Variants in ADARB2 observed in about 807,000 individuals in gnomAD.
ADARB2 encodes the protein inactive double-stranded RNA-specific editase B2.
A neutral mutation model predicts 62.2 loss-of-function variants in ADARB2; 25 were observed. The observed-to-expected ratio is 0.40, with a 90% CI of 0.29 to 0.56. The LOEUF (loss-of-function observed/expected upper bound fraction) is 0.56, where lower values mean the gene tolerates loss of function less well. Among genes scored for constraint, ADARB2 ranks in the 20% least tolerant of loss-of-function variants. The pLI, the probability that ADARB2 is intolerant of heterozygous loss-of-function variation, is 0.43. For synonymous variants in ADARB2, 572 were observed against 500.8 expected (o/e 1.14, Z -1.90); for missense variants, 1,071 against 1,077.4 (o/e 0.99, Z 0.08).
At chr10:1,501,940 C>T (rs891707859) in intron 1 of ADARB2, among the ~76,000 whole-genome samples, 1 of 152,216 alleles carries the variant, frequency 6.6e-6, no homozygotes, top group Non-Finnish European at 1.5e-5. Context: ...AAGAACTCTG[C>T]CTGGCTGAAG....
rs1836627195 is a variant in ADARB2, at chr10:1,179,017, TAA to T, written c.*4174_*4175del. 6.6e-6 allele frequency: 1 copy of T among 152,242 alleles called. No individual in the cohort carries two copies. The highest frequency in any genetic ancestry group is 1.5e-5 in the Non-Finnish European group (1 of 68,044). The allele number at this position is 152,242 out of a possible 1,614,324, so 9.4% of individuals were successfully genotyped here. On this transcript the variant is annotated 3_prime_UTR_variant, in exon 10 of 10. Transcript: ENST00000381312. ...GAATGGCTTCTTAAAAAAGGGCATA[TAA>T]GTTTCCCTAAATTAAAAATGTCTAC...
intron 3 of ADARB2, among the ~76,000 whole-genome samples, chr10:1,325,474 C>T (rs574438188): frequency 5.3e-5 from 8 of 152,310 alleles, no homozygotes; most frequent in African/African-American, 1.9e-4. Context: ...TAGGGAGGGA[C>T]TGAGTAGCAC....
At chr10:1,594,204 C>A (rs756421947) in intron 1 of ADARB2, among the ~76,000 whole-genome samples, 1 of 152,112 alleles carries the variant, frequency 6.6e-6, no homozygotes, top group African/African-American at 2.4e-5. Flanking sequence ...GCAGGAGAAT[C>A]GCTTAAAATC....
At chr10:1,518,209 G>T (rs1832030660) in intron 1 of ADARB2, among the ~76,000 whole-genome samples, 1 of 152,196 alleles carries the variant, frequency 6.6e-6, no homozygotes, top group African/African-American at 2.4e-5. Flanking sequence ...ATGAGCTTCG[G>T]TCTCAGCCCT....
rs532643198 is a variant in ADARB2, at chr10:1,689,062, G to A, written c.100+47989C>T. On this transcript the variant is annotated intron_variant, in intron 1 of 9. Transcript: ENST00000381312. ...CCAAGACAGGTGCCAGCAAAGAAAG[G>A]CAGATTTGTTAGAGAAAGTAGGAAA... Among the ~76,000 whole-genome samples the A allele has an allele frequency of 3.9e-5, 6 of 152,290 alleles. No homozygotes were observed. The East Asian group carries it at 9.6e-4, about 24-fold the overall frequency.
At chr10:1,248,286 G>A (rs934717087) in intron 4 of ADARB2, among the ~76,000 whole-genome samples, 11 of 150,648 alleles carry the variant, frequency 7.3e-5, no homozygotes, top group African/African-American at 2.2e-4. Flanking sequence ...CTGAGGTCCC[G>A]TCTCCAGCTG....
At chr10:1,696,940 C>A (rs559748832) in intron 1 of ADARB2, among the ~76,000 whole-genome samples, 1 of 151,534 alleles carries the variant, frequency 6.6e-6, no homozygotes, top group African/African-American at 2.4e-5. Context: ...AATTTGTAAG[C>A]TTTCTTAAAA....
At chr10:1,507,147 G>C (rs1831862666) in intron 1 of ADARB2, among the ~76,000 whole-genome samples, 1 of 152,254 alleles carries the variant, frequency 6.6e-6, no homozygotes, top group Non-Finnish European at 1.5e-5. Flanking sequence ...GATTCTTCCA[G>C]TGGCTGTCGA....
At chr10:1,688,579 C>G (rs898694609) in intron 1 of ADARB2, among the ~76,000 whole-genome samples, 1 of 152,234 alleles carries the variant, frequency 6.6e-6, no homozygotes, top group African/African-American at 2.4e-5. Context: ...AAGCAGCAGC[C>G]CAGCGGGGTC....
intron 4 of ADARB2, among the ~76,000 whole-genome samples, chr10:1,263,128 T>G: frequency 9.3e-6 from 1 of 107,048 alleles, no homozygotes. Flanking sequence ...CCGGGGCCTG[T>G]TGTGGGGTGG....
At position 1,504,063 on chromosome 10, in the gene ADARB2, C is replaced by A. The variant is rs552968080; in HGVS notation, c.101-124903G>T. ...TGATCATTCAGCCTCTTTCCCAATC[C>A]TTCACTCTGCCAGTATTTCATGAAG... On this transcript the variant is annotated intron_variant, in intron 1 of 9. Coordinates refer to ENST00000381312, the MANE Select transcript of ADARB2 (RefSeq NM_018702.4). Among the ~76,000 whole-genome samples the A allele has an allele frequency of 6.0e-4, 91 of 152,338 alleles. 1 individual carries two copies. The South Asian group carries it at 0.017, about 28-fold the overall frequency.
At chr10:1,434,522 AC>A (rs1830814529) in intron 1 of ADARB2, among the ~76,000 whole-genome samples, 1 of 152,190 alleles carries the variant, frequency 6.6e-6, no homozygotes, top group Admixed American at 6.5e-5. Flanking sequence ...ACAAAAGCCC[AC>A]CAAGAGTTTT....
In ADARB2 at chr10:1,717,500, T is replaced by C. The variant is rs74863761; in HGVS notation, c.100+19551A>G. 0.016 allele frequency among the ~76,000 whole-genome samples: 2,461 copies of C among 151,686 alleles called. 140 individuals are homozygous for C. In the East Asian group the frequency reaches 0.18, roughly 11 times the overall value. On this transcript the variant is annotated intron_variant, in intron 1 of 9. Transcript: ENST00000381312. Reference sequence around the variant, plus strand: ...TTCTTTTCTTTCTTCCTTCCTTTCCTTTCTTTCTTTCTCTCTCTCTTTCCT... The same window carrying C: ...TTCTTTTCTTTCTTCCTTCCTTTCCCTTCTTTCTTTCTCTCTCTCTTTCCT...
chr10:1,637,418 A>T (rs1258972451), intron 1 of ADARB2, among the ~76,000 whole-genome samples: 10 of 152,230 alleles, frequency 6.6e-5, no homozygotes, highest in Non-Finnish European at 1.5e-4. Context: ...TGCAAGTCTA[A>T]TGAAACCCAT....
At chr10:1,218,967 C>A (rs376593711) in intron 6 of ADARB2, among the ~76,000 whole-genome samples, 9 of 149,738 alleles carry the variant, frequency 6.0e-5, no homozygotes, top group Non-Finnish European at 8.9e-5. Context: ...GGAGAATGGC[C>A]TGAACCCAGG....
chr10:1,572,934 T>G (rs1405926703), intron 1 of ADARB2, among the ~76,000 whole-genome samples: 2 of 152,232 alleles, frequency 1.3e-5, no homozygotes, highest in Non-Finnish European at 2.9e-5. Context: ...TGTAGGCAGG[T>G]CTTTTCCTGC....
intron 3 of ADARB2, among the ~76,000 whole-genome samples, chr10:1,332,322 G>A (rs942419496): frequency 1.3e-5 from 2 of 151,970 alleles, no homozygotes; most frequent in African/African-American, 2.4e-5. Flanking sequence ...GGACAGAAGT[G>A]GGAGGTTTGC....
At chr10:1,241,687 C>T (rs542816468) in intron 5 of ADARB2, among the ~76,000 whole-genome samples, 1 of 152,352 alleles carries the variant, frequency 6.6e-6, no homozygotes, top group East Asian at 1.9e-4. Context: ...GCACAGTTCT[C>T]AAGGCCTCAG....
At chr10:1,450,941 G>T in intron 1 of ADARB2, among the ~76,000 whole-genome samples, 1 of 152,236 alleles carries the variant, frequency 6.6e-6, no homozygotes, top group East Asian at 1.9e-4. Flanking sequence ...CACACAGTCA[G>T]ATGTGCTGTC....
Sources: gnomAD v4.1 joint callset for allele counts (sites outside exome capture counted in the v4.1 genomes callset) on GRCh38, gnomAD v4.1.1 for gene constraint, MANE v1.5 for transcripts, NCBI Gene and HGNC (gene_info 2026-07-23, HGNC 2026-07-21) for gene names.